DUSP15: variants seen among roughly 807,000 people sequenced by gnomAD.
DUSP15 encodes dual specificity protein phosphatase 15.
In DUSP15, 23 loss-of-function variants were observed where a neutral mutation model predicts 26.3. The ratio of observed to expected loss-of-function variants is 0.87; its 90% confidence interval spans 0.63 to 1.24. The LOEUF (loss-of-function observed/expected upper bound fraction) is 1.24, where lower values mean the gene tolerates loss of function less well. Ranked by LOEUF, DUSP15 falls within the 50% of genes most tolerant of loss-of-function variation. The pLI is 0.00. For synonymous variants in DUSP15, 143 were observed against 135.5 expected (o/e 1.06, Z -0.39); for missense variants, 364 against 320.6 (o/e 1.14, Z -1.03).
At chr20:31,862,378 T>C (rs775656665) in intron 6 of DUSP15, among the ~76,000 whole-genome samples, 193 bp downstream of exon 6, 15 of 152,040 alleles carry the variant, frequency 9.9e-5, no homozygotes, top group South Asian at 2.1e-4. Flanking sequence ...AAATTCTAAA[T>C]TGAAAAAGAA....
intron 4 of DUSP15, 150 bp from the exon 5 acceptor site, chr20:31,864,131 T>C: frequency 1.4e-6 from 2 of 1,446,142 alleles, no homozygotes; most frequent in Non-Finnish European, 1.8e-6. Context: ...GGCCAGTACT[T>C]AGTATGAGCT....
chr20:31,856,886 T>G (rs2062570151), downstream of DUSP15, among the ~76,000 whole-genome samples: 1 of 151,280 alleles, frequency 6.6e-6, no homozygotes, highest in Non-Finnish European at 1.5e-5. Context: ...CTGGGAGGGG[T>G]TGCAGGGCAG....
At chr20:31,847,983 G>T (rs1440444038) in exon 10 of DUSP15, 1 of 156,052 alleles carries the variant, frequency 6.4e-6, no homozygotes, top group Non-Finnish European at 1.4e-5. Flanking sequence ...AGGCCCCTGA[G>T]AGGCTAGGCA....
At chr20:31,848,815 G>A in exon 9 of DUSP15, 1 of 1,611,476 alleles carries the variant, frequency 6.2e-7, no homozygotes. Context: ...CGTCCGCCAT[G>A]ATGAGCTGCT....
At chr20:31,848,620 T>C in intron 9 of DUSP15, 1 of 1,496,796 alleles carries the variant, frequency 6.7e-7, no homozygotes, top group Non-Finnish European at 8.9e-7. Context: ...GCCTCGGATG[T>C]TCCCATGGGA....
chr20:31,869,828 C>A lies in DUSP15; in HGVS notation c.22-231G>T. On this transcript the variant is annotated intron_variant, in intron 1 of 6. Transcript: ENST00000339738. ...AACCAACCGAGGGAACCAAGGGAGG[C>A]CAGCTTGGGTATGAGAGGGGAGAGG... is the stretch of plus-strand genomic sequence containing the variant. 1.3e-5 allele frequency: 18 copies of A among 1,426,266 alleles called. No homozygotes were observed. In the South Asian group the frequency reaches 2.4e-4, roughly 19 times the overall value. The allele number at this position is 1,426,266 out of a possible 1,614,324, so 88.4% of individuals were successfully genotyped here. A position where few individuals can be genotyped will look rare whatever the true frequency, so the allele number is the denominator to read the frequency against.
In DUSP15 at chr20:31,870,066, T is replaced by G; in HGVS notation, c.21+251A>C. 1 of 1,258,566 alleles carries G rather than the reference T, an allele frequency of 7.9e-7. No homozygotes were observed. Among genetic ancestry groups the G allele is most frequent in the South Asian group, 3.3e-5 (1 of 30,100 alleles). 78.0% of individuals were successfully genotyped at this position (1,258,566 alleles called of 1,614,324 possible). ...GACTCACTGGGAGACAGCCTGGGAG[T>G]GACAGCCACAGCAAGACAGCGAGAG... On this transcript the variant is annotated intron_variant, in intron 1 of 6. Coordinates refer to ENST00000339738, the MANE Select transcript of DUSP15 (RefSeq NM_080611.5). This position sits in a 1 kb window ranked among gnomAD's most constrained non-coding sequence, Gnocchi z 6.6.
intron 2 of DUSP15, 43 bp from the exon 3 acceptor site, chr20:31,867,196 G>A (rs2123297263): frequency 1.3e-6 from 2 of 1,536,792 alleles, no homozygotes; most frequent in Non-Finnish European, 1.8e-6. Flanking sequence ...CTGGCGGGAT[G>A]TCCTGATGGC....
At chr20:31,846,287 G>GAC (rs2062376951), downstream of DUSP15, among the ~76,000 whole-genome samples, 4 of 133,508 alleles carry the variant, frequency 3.0e-5, no homozygotes, top group African/African-American at 9.1e-5. Flanking sequence ...CAGAGACACA[G>GAC]ACACAGACAC....
chr20:31,866,391 T>A (rs2062765867), intron 3 of DUSP15, among the ~76,000 whole-genome samples: 1 of 152,164 alleles, frequency 6.6e-6, no homozygotes, highest in Non-Finnish European at 1.5e-5. Flanking sequence ...AAAGTTCCCG[T>A]TTTACAGATC....
Position 31,870,378 on chromosome 20 carries a change from G to T in DUSP15, c.-41C>A. ...GGTCCGGGTGCACCCCCAGCTCGCC[G>T]CCCGGGAAGCGATCCGGTCACAGCT... On this transcript the variant is annotated 5_prime_UTR_variant, in exon 1 of 7. Coordinates refer to ENST00000339738, the MANE Select transcript of DUSP15 (RefSeq NM_080611.5). The surrounding 1 kb of genome is among the most constrained non-coding windows in gnomAD (Gnocchi z 6.6). The T allele has an allele frequency of 7.8e-7, 1 of 1,278,386 alleles. No homozygotes were observed. Among genetic ancestry groups the T allele is most frequent in the South Asian group, 3.4e-5 (1 of 29,394 alleles). 79.2% of individuals were successfully genotyped at this position (1,278,386 alleles called of 1,614,324 possible).
Position 31,849,820 on chromosome 20 carries a change from G to C in DUSP15, c.546C>G (p.Thr182=), listed in dbSNP as rs750621165. The C allele has an allele frequency of 9.2e-6, 14 of 1,528,170 alleles. No homozygotes were observed. In the East Asian group the frequency reaches 1.5e-4, roughly 16 times the overall value. 94.7% of individuals were successfully genotyped at this position (1,528,170 alleles called of 1,614,324 possible). A position where few individuals can be genotyped will look rare whatever the true frequency, so the allele number is the denominator to read the frequency against. The change falls in exon 8 of 10, where the codon ACC becomes ACG. Residue 182 remains threonine, a synonymous_variant. Transcript: ENST00000278979. The stretch of plus-strand genomic sequence containing the variant: ...GACGACAGCGCTGGGCTGTGCGCCC[G>C]GTGGCTTCGCGCACCAGCGCTGCGG...
rs2062642909 is a variant in DUSP15, at chr20:31,861,302, G to A, written c.*101C>T. The A allele has an allele frequency of 3.6e-6, 5 of 1,372,128 alleles. No homozygotes were observed. The South Asian group carries it at 8.3e-5, about 23-fold the overall frequency. 85.0% of individuals were successfully genotyped at this position (1,372,128 alleles called of 1,614,324 possible). On this transcript the variant is annotated 3_prime_UTR_variant, in exon 7 of 7. Transcript: ENST00000339738. ...GGAGGCAGGGTTCAGGCCGCCGCGG[G>A]GCTCCCCCAGCCTCTGGGCCCGTCC...
At chr20:31,852,262 G>A (rs568881062) in intron 6 of DUSP15, among the ~76,000 whole-genome samples, 4 of 152,088 alleles carry the variant, frequency 2.6e-5, no homozygotes, top group Non-Finnish European at 5.9e-5. Context: ...ACCTGTCTCC[G>A]ACTCCCAAAC....
Position 31,861,607 on chromosome 20 carries a change from C to T in DUSP15, c.504G>A (p.Leu168=), listed in dbSNP as rs376544682. 895 of 1,492,684 alleles carry T rather than the reference C, an allele frequency of 6.0e-4. 2 individuals are homozygous for T. Among genetic ancestry groups the T allele is most frequent in the East Asian group, 2.6e-3 (93 of 35,312 alleles). The allele number at this position is 1,492,684 out of a possible 1,614,324, so 92.5% of individuals were successfully genotyped here. ...PFRDEEELRA[L]LPLCKRCRQG... ...GCCGGCAGCGCTTGCACAGCGGCAG[C>T]AGCGCGCGCAACTCCTCCTCGTCGC... Residue 168 remains leucine, a synonymous_variant, in exon 7 of 7, where the codon CTG becomes CTA. Coordinates refer to ENST00000339738, the MANE Select transcript of DUSP15 (RefSeq NM_080611.5).
At chr20:31,848,910 G>A in intron 8 of DUSP15, 1 of 1,609,548 alleles carries the variant, frequency 6.2e-7, no homozygotes, top group South Asian at 1.1e-5. Context: ...CATCCTGCAG[G>A]TGGGCACACA....
intron 1 of DUSP15, 192 bp from the exon 2 acceptor site, chr20:31,869,789 C>A: frequency 6.9e-7 from 1 of 1,441,542 alleles, no homozygotes; most frequent in Non-Finnish European, 9.1e-7. Flanking sequence ...GGAGGGTAGG[C>A]TAGGGGGCCA....
downstream of DUSP15, chr20:31,845,598 C>A: frequency 1.3e-6 from 2 of 1,588,180 alleles, no homozygotes; most frequent in Non-Finnish European, 1.7e-6. Context: ...GCTTCCAGGG[C>A]TGGCGTCCGG....
At chr20:31,864,225 G>C (rs1373192738) in intron 4 of DUSP15, 11 of 1,281,588 alleles carry the variant, frequency 8.6e-6, no homozygotes, top group Non-Finnish European at 1.1e-5. Context: ...CATCTAGGCA[G>C]GAGCACTCCT....
Sources: allele counts gnomAD v4.1 joint callset (sites outside exome capture counted in the v4.1 genomes callset), GRCh38; gene constraint gnomAD v4.1.1; non-coding constraint Gnocchi (gnomAD v3.1); transcripts MANE v1.5; gene names NCBI Gene and HGNC (gene_info 2026-07-23, HGNC 2026-07-21).